Variants in STX18 observed in about 807,000 individuals in gnomAD.
The protein encoded by STX18 is syntaxin-18.
STX18 carries 40 observed loss-of-function variants against 50.1 expected under a neutral mutation model. That is an observed-to-expected ratio of 0.80 (90% confidence interval 0.62 to 1.04). The LOEUF (loss-of-function observed/expected upper bound fraction) is 1.04. STX18 is among the 50% of genes least tolerant of loss of function. The pLI, the probability that STX18 is intolerant of heterozygous loss-of-function variation, is 0.00. For synonymous variants in STX18, 158 were observed against 151.8 expected (o/e 1.04, Z -0.30); for missense variants, 410 against 415.8 (o/e 0.99, Z 0.12).
chr4:4,486,792 T>C (rs889951024), intron 1 of STX18, among the ~76,000 whole-genome samples: 14 of 152,242 alleles, frequency 9.2e-5, no homozygotes, highest in African/African-American at 3.4e-4. Flanking sequence ...AAATATCAAC[T>C]CTATCTTTAA....
chr4:4,457,589 G>T (rs1727148274), intron 3 of STX18, 89 bp from the exon 4 acceptor site: 3 of 976,814 alleles, frequency 3.1e-6, no homozygotes, highest in Non-Finnish European at 4.7e-6. Context: ...TTTCTTTATT[G>T]AGAGTATTTT....
intron 2 of STX18, among the ~76,000 whole-genome samples, chr4:4,459,953 T>C (rs1403917007): frequency 6.6e-6 from 1 of 152,202 alleles, no homozygotes; most frequent in Non-Finnish European, 1.5e-5. Context: ...GAATGTTCTT[T>C]CCCCAGATAG....
chr4:4,502,232 G>A (rs1729491584), intron 1 of STX18, among the ~76,000 whole-genome samples: 1 of 152,042 alleles, frequency 6.6e-6, no homozygotes, highest in Non-Finnish European at 1.5e-5. Context: ...AATTACATTA[G>A]TATAAAATGT....
intron 1 of STX18, among the ~76,000 whole-genome samples, chr4:4,502,278 T>C (rs1020782046): frequency 1.4e-4 from 22 of 152,144 alleles, no homozygotes; most frequent in African/African-American, 5.3e-4. Context: ...AGTAAAGAAT[T>C]TGAGTGGAAC....
chr4:4,436,441 C>T (rs1369658425), intron 6 of STX18, among the ~76,000 whole-genome samples: 1 of 151,102 alleles, frequency 6.6e-6, no homozygotes, highest in Non-Finnish European at 1.5e-5. Context: ...CCTACTTGTC[C>T]TCATTATGGT....
rs946116626 is a variant in STX18, at chr4:4,425,387, G to A, written c.703-165C>T. ...GACCGTTAGCATTAGTGTGAACAAC[G>A]TCCCTGCTTTCAGGAGAAAGTTTTA... On this transcript the variant is annotated intron_variant, in intron 7 of 10. Transcript: ENST00000306200. The A allele has an allele frequency of 3.0e-5, 19 of 635,058 alleles. No individual in the cohort carries two copies. The East Asian group carries it at 3.8e-4, about 13-fold the overall frequency. The allele number at this position is 635,058 out of a possible 1,614,324, so 39.3% of individuals were successfully genotyped here. A position where few individuals can be genotyped will look rare whatever the true frequency, so the allele number is the denominator to read the frequency against.
intron 7 of STX18, among the ~76,000 whole-genome samples, chr4:4,428,470 T>C (rs905829962): frequency 1.3e-5 from 2 of 152,110 alleles, no homozygotes; most frequent in African/African-American, 4.8e-5. Flanking sequence ...TTAGAAGGAA[T>C]ACATGAGTGA....
intron 1 of STX18, among the ~76,000 whole-genome samples, chr4:4,503,521 A>T (rs1201193232): frequency 6.6e-6 from 1 of 152,204 alleles, no homozygotes; most frequent in African/African-American, 2.4e-5. Context: ...TTCAATTTGC[A>T]TATCTATTTC....
chr4:4,460,311 A>G (rs1028091235), intron 2 of STX18, among the ~76,000 whole-genome samples: 1 of 152,160 alleles, frequency 6.6e-6, no homozygotes, highest in Non-Finnish European at 1.5e-5. Flanking sequence ...AACTGAACCA[A>G]TGAATGAGCC....
intron 2 of STX18, among the ~76,000 whole-genome samples, chr4:4,469,511 G>A (rs1004661444): frequency 1.3e-5 from 2 of 152,024 alleles, no homozygotes; most frequent in African/African-American, 4.8e-5. Context: ...AAAAATAGCT[G>A]GGAATCATGA....
intron 1 of STX18, among the ~76,000 whole-genome samples, chr4:4,490,819 G>A (rs1020625985): frequency 1.3e-5 from 2 of 152,096 alleles, no homozygotes; most frequent in African/African-American, 4.8e-5. Flanking sequence ...ATACATTTTA[G>A]AGAAAACATT....
intron 1 of STX18, among the ~76,000 whole-genome samples, chr4:4,475,905 G>A (rs573744672): frequency 6.6e-6 from 1 of 152,314 alleles, no homozygotes; most frequent in Admixed American, 6.5e-5. Context: ...ACAGGCATAA[G>A]CCACCATATC....
intron 2 of STX18, among the ~76,000 whole-genome samples, chr4:4,468,385 A>G (rs1207702851): frequency 6.6e-6 from 1 of 152,194 alleles, no homozygotes. Context: ...GCAAAATTCC[A>G]GAGATTACCT....
intron 2 of STX18, among the ~76,000 whole-genome samples, chr4:4,467,816 G>C (rs561699659): frequency 6.6e-6 from 1 of 152,148 alleles, no homozygotes; most frequent in African/African-American, 2.4e-5. Context: ...ACAAAGAAAA[G>C]AAAAGGGCCT....
intron 6 of STX18, among the ~76,000 whole-genome samples, chr4:4,438,103 GCA>G (rs1725886090): frequency 6.6e-6 from 1 of 152,184 alleles, no homozygotes; most frequent in Non-Finnish European, 1.5e-5. Flanking sequence ...CCTGAGGCCG[GCA>G]CACAGGGCTC....
intron 5 of STX18, among the ~76,000 whole-genome samples, chr4:4,444,511 A>G (rs1726285280): frequency 6.6e-6 from 1 of 152,222 alleles, no homozygotes; most frequent in Non-Finnish European, 1.5e-5. Flanking sequence ...TGACACAGGT[A>G]TTGGGAGACA....
intron 5 of STX18, among the ~76,000 whole-genome samples, chr4:4,439,585 A>G (rs1725997900): frequency 7.5e-6 from 1 of 132,860 alleles, no homozygotes; most frequent in Non-Finnish European, 1.6e-5. Flanking sequence ...ATATATACAC[A>G]CACACACCCC....
chr4:4,524,834 T>A (rs1020926021), intron 1 of STX18, among the ~76,000 whole-genome samples: 1 of 152,216 alleles, frequency 6.6e-6, no homozygotes, highest in Non-Finnish European at 1.5e-5. Flanking sequence ...AGACTTCTGA[T>A]AAAGCAAGTT....
intron 8 of STX18, among the ~76,000 whole-genome samples, chr4:4,424,558 A>G (rs1005228744): frequency 6.6e-6 from 1 of 152,162 alleles, no homozygotes; most frequent in Admixed American, 6.5e-5. Flanking sequence ...CTACACTGAG[A>G]AAGTCCTCAG....
Sources: gnomAD v4.1 joint callset for allele counts (sites outside exome capture counted in the v4.1 genomes callset) on GRCh38, gnomAD v4.1.1 for gene constraint, MANE v1.5 for transcripts, NCBI Gene and HGNC (gene_info 2026-07-23, HGNC 2026-07-21) for gene names.